Variants in SLC12A8 observed in about 807,000 individuals in gnomAD.
SLC12A8 encodes solute carrier family 12 member 8.
In SLC12A8, 69 loss-of-function variants were observed where a neutral mutation model predicts 75.6. The ratio of observed to expected loss-of-function variants is 0.91; its 90% CI spans 0.75 to 1.11. SLC12A8 has a LOEUF of 1.11. Among genes scored for constraint, SLC12A8 ranks in the 50% most tolerant of loss-of-function variants. SLC12A8 has a pLI of 0.00. For synonymous variants in SLC12A8, 365 were observed against 372.8 expected (o/e 0.98, Z 0.24); for missense variants, 877 against 896.7 (o/e 0.98, Z 0.28).
intron 1 of SLC12A8, 64 bp from the exon 2 acceptor site, chr3:125,211,458 C>A: frequency 1.1e-6 from 1 of 883,086 alleles, no homozygotes; most frequent in Non-Finnish European, 1.9e-6. Flanking sequence ...GTTGTCCATC[C>A]TTTCTCTCTA....
In SLC12A8 at chr3:125,190,443, C is replaced by A. The variant is rs1303584245; in HGVS notation, c.130G>T (p.Gly44Cys). 19 of 1,614,202 alleles carry A rather than the reference C, an allele frequency of 1.2e-5. No individual in the cohort carries two copies. Among genetic ancestry groups the A allele is most frequent in the Non-Finnish European group, 1.6e-5 (19 of 1,180,030 alleles). ...WEPVLFGTWD[G>C]VFTSCMINIF... Reference sequence around the variant, plus strand: ...TTGATCATGCAGGATGTGAACACACCATCCCAGGTCCCAAACAGCACAGGC... The same window carrying A: ...TTGATCATGCAGGATGTGAACACACAATCCCAGGTCCCAAACAGCACAGGC... The change falls in exon 3 of 14, where the codon GGT becomes TGT. Residue 44 changes from glycine (G) to cysteine (C), a missense_variant. Physicochemically the swap from Gly to Cys is radical, Grantham distance 159. Transcript: ENST00000469902.
chr3:125,155,231 G>A (rs1934021561), intron 5 of SLC12A8, among the ~76,000 whole-genome samples: 2 of 152,112 alleles, frequency 1.3e-5, no homozygotes, highest in African/African-American at 4.8e-5. Context: ...CTTGCTCACC[G>A]CACCACCTTC....
chr3:125,164,964 C>T (rs1208116502), intron 5 of SLC12A8, among the ~76,000 whole-genome samples: 1 of 152,200 alleles, frequency 6.6e-6, no homozygotes, highest in Non-Finnish European at 1.5e-5. Flanking sequence ...GAGGCTGGGG[C>T]CCCCACTTAA....
In SLC12A8 at chr3:125,091,518, C is replaced by T. The variant is rs1938581265; in HGVS notation, c.1842G>A (p.Trp614Ter). 6.2e-7 allele frequency: 1 copy of T among 1,613,828 alleles called. No individual in the cohort carries two copies. ...GSLLIMFVIQWVYTLVNMGVA... is the reference protein window; with the variant it reads ...GSLLIMFVIQ ...CACCCATGTTAACCAGGGTATACAC[C>T]CACTGTATCACAAACATGATGAGAA... Residue 614 changes from tryptophan to a stop codon, truncating the protein, a stop_gained, in exon 12 of 14, where the codon TGG becomes TGA. Coordinates refer to ENST00000469902, the MANE Select transcript of SLC12A8 (RefSeq NM_024628.6). LOFTEE classifies it high-confidence loss of function.
intron 2 of SLC12A8, among the ~76,000 whole-genome samples, chr3:125,195,780 G>T (rs1934999128): frequency 6.6e-6 from 1 of 152,102 alleles, no homozygotes; most frequent in Non-Finnish European, 1.5e-5. Flanking sequence ...TCAGAGCCCA[G>T]AGATGAGCTC....
chr3:125,159,027 A>G (rs1300088527), intron 5 of SLC12A8, among the ~76,000 whole-genome samples: 2 of 152,216 alleles, frequency 1.3e-5, no homozygotes, highest in African/African-American at 2.4e-5. Flanking sequence ...AGGACTGTAA[A>G]GTTTGCCAGA....
intron 2 of SLC12A8, among the ~76,000 whole-genome samples, chr3:125,207,250 A>T (rs558078969): frequency 6.6e-6 from 1 of 152,122 alleles, no homozygotes; most frequent in Non-Finnish European, 1.5e-5. Flanking sequence ...CCTCCTAGAA[A>T]AGGGTCCACA....
At chr3:125,183,066 G>T (rs951240957) in intron 4 of SLC12A8, among the ~76,000 whole-genome samples, 4 of 152,020 alleles carry the variant, frequency 2.6e-5, no homozygotes, top group African/African-American at 9.7e-5. Flanking sequence ...CTAAATCAGG[G>T]TATATCATCA....
chr3:125,199,062 G>A lies in SLC12A8; in HGVS notation c.52-8541C>T, dbSNP rs569493021. On this transcript the variant is annotated intron_variant, in intron 2 of 13. Transcript: ENST00000469902. ...CAAAGTGCTGGGATTATAGGCGTGA[G>A]CCACCATGCCCGGCTGACAATAGGA... Among the ~76,000 whole-genome samples the A allele has an allele frequency of 2.0e-5, 3 of 152,280 alleles. No individual in the cohort carries two copies. In the East Asian group the frequency reaches 5.8e-4, roughly 29 times the overall value.
At chr3:125,198,717 C>A (rs1195365313) in intron 2 of SLC12A8, among the ~76,000 whole-genome samples, 1 of 151,834 alleles carries the variant, frequency 6.6e-6, no homozygotes, top group Non-Finnish European at 1.5e-5. Flanking sequence ...TGGGGAGAAG[C>A]TGGGGGATGT....
At chr3:125,116,193 A>G (rs779880797) in intron 8 of SLC12A8, among the ~76,000 whole-genome samples, 59 of 152,228 alleles carry the variant, frequency 3.9e-4, no homozygotes, top group Non-Finnish European at 7.5e-4. Flanking sequence ...CAGAAGACCC[A>G]GGTGCTGCTA....
At chr3:125,170,670 T>C (rs575497903) in intron 5 of SLC12A8, among the ~76,000 whole-genome samples, 1 of 152,262 alleles carries the variant, frequency 6.6e-6, no homozygotes, top group Admixed American at 6.5e-5. Flanking sequence ...ATCCCAGCAC[T>C]TTGGGAGGCT....
At chr3:125,205,589 T>C (rs941462359) in intron 2 of SLC12A8, among the ~76,000 whole-genome samples, 9 of 152,192 alleles carry the variant, frequency 5.9e-5, no homozygotes, top group Admixed American at 5.9e-4. Flanking sequence ...ATGAAATGCT[T>C]CCGCCGCATC....
chr3:125,191,889 T>C (rs932754315), intron 2 of SLC12A8, among the ~76,000 whole-genome samples: 2 of 152,330 alleles, frequency 1.3e-5, no homozygotes, highest in South Asian at 2.1e-4. Flanking sequence ...CATTTATGCA[T>C]GTACATGACT....
chr3:125,120,601 G>T lies in SLC12A8; in HGVS notation c.822C>A (p.Ile274=), dbSNP rs1403170608. The T allele has an allele frequency of 1.1e-5, 17 of 1,612,212 alleles. No individual in the cohort carries two copies. The highest frequency in any genetic ancestry group is 1.4e-5 in the Non-Finnish European group (16 of 1,178,668). ...TGATTGCCATGAGGGGAACTTACGA[G>T]ATGCCAACAGCTGCCAGGGAGCCCA... ...IPLGSLAAVG[I]SWFLYIIFVF... is the part of the protein sequence containing the mutation. Residue 274 remains isoleucine (I), a splice_region_variant and synonymous_variant, in exon 7 of 14, where the codon ATC becomes ATA. Coordinates refer to ENST00000469902, the MANE Select transcript of SLC12A8 (RefSeq NM_024628.6).
intron 10 of SLC12A8, among the ~76,000 whole-genome samples, chr3:125,101,502 CT>C (rs1938873977): frequency 6.6e-6 from 1 of 152,156 alleles, no homozygotes; most frequent in African/African-American, 2.4e-5. Context: ...AAATAATACG[CT>C]TTGGAAGGTA....
At chr3:125,198,984 T>C (rs921753078) in intron 2 of SLC12A8, among the ~76,000 whole-genome samples, 6 of 151,978 alleles carry the variant, frequency 3.9e-5, no homozygotes, top group Non-Finnish European at 7.4e-5. Context: ...TTCACCGTGT[T>C]AGCCAGGATG....
chr3:125,082,902 A>G lies in SLC12A8; in HGVS notation c.*988T>C, dbSNP rs942722108. 1 of 152,252 alleles carries G rather than the reference A, an allele frequency of 6.6e-6. No homozygotes were observed. Among genetic ancestry groups the G allele is most frequent in the African/African-American group, 2.4e-5 (1 of 41,482 alleles). The allele number at this position is 152,252 out of a possible 1,614,324, so 9.4% of individuals were successfully genotyped here. ...ACAATGAAAAAAATGAACAAATGGCATATGAATTGATATGAAATGTCTCCA... is the reference window on the plus strand; with the variant it reads ...ACAATGAAAAAAATGAACAAATGGCGTATGAATTGATATGAAATGTCTCCA... On this transcript the variant is annotated 3_prime_UTR_variant, in exon 14 of 14. Coordinates refer to ENST00000469902, the MANE Select transcript of SLC12A8 (RefSeq NM_024628.6).
intron 7 of SLC12A8, chr3:125,119,782 T>G (rs1933000560): frequency 2.3e-6 from 1 of 443,008 alleles, no homozygotes; most frequent in Non-Finnish European, 4.5e-6. Context: ...ATTTTCTAAA[T>G]ACTGTGGTTA....
Sources: allele counts gnomAD v4.1 joint callset (sites outside exome capture counted in the v4.1 genomes callset), GRCh38; gene constraint gnomAD v4.1.1; transcripts MANE v1.5; gene names NCBI Gene and HGNC (gene_info 2026-07-23, HGNC 2026-07-21).